AXIN1: variants seen among roughly 807,000 people sequenced by gnomAD.
AXIN1 encodes the protein axin-1.
AXIN1 carries 30 observed loss-of-function variants against 76.4 expected under a neutral mutation model. The ratio of observed to expected loss-of-function variants is 0.39; its 90% CI spans 0.29 to 0.53. The LOEUF (loss-of-function observed/expected upper bound fraction) is 0.53, where lower values mean the gene tolerates loss of function less well. Among genes scored for constraint, AXIN1 ranks in the 20% least tolerant of loss-of-function variants. The pLI is 0.66. For synonymous variants in AXIN1, 545 were observed against 501.4 expected (o/e 1.09, Z -1.16); for missense variants, 1,140 against 1,198.8 (o/e 0.95, Z 0.72).
intron 2 of AXIN1, among the ~76,000 whole-genome samples, chr16:318,264 T>C (rs1412301228): frequency 6.6e-6 from 1 of 152,218 alleles, no homozygotes; most frequent in Non-Finnish European, 1.5e-5. Context: ...AAAACCTGTT[T>C]GTCTTTAAAA....
intron 5 of AXIN1, among the ~76,000 whole-genome samples, chr16:301,044 G>A (rs1283010180): frequency 6.6e-6 from 1 of 152,168 alleles, no homozygotes; most frequent in African/African-American, 2.4e-5. Flanking sequence ...GCCGAGGCGG[G>A]TGGATCACAA....
intron 2 of AXIN1, among the ~76,000 whole-genome samples, chr16:345,758 A>G (rs1378566827): frequency 6.6e-6 from 1 of 151,702 alleles, no homozygotes; most frequent in Non-Finnish European, 1.5e-5. Flanking sequence ...ATTCTTATCG[A>G]TGCCCTGAAA....
chr16:333,398 G>T (rs1378494323), intron 2 of AXIN1, among the ~76,000 whole-genome samples: 1 of 150,636 alleles, frequency 6.6e-6, no homozygotes, highest in East Asian at 1.9e-4. Flanking sequence ...GCTGAGGCAG[G>T]AGGATCGCTC....
intron 2 of AXIN1, among the ~76,000 whole-genome samples, chr16:321,461 C>T (rs1389134226): frequency 1.3e-5 from 2 of 152,278 alleles, no homozygotes; most frequent in African/African-American, 4.8e-5. Flanking sequence ...CAGGTCAGTA[C>T]ACCACGTAAA....
intron 4 of AXIN1, among the ~76,000 whole-genome samples, chr16:309,567 G>A (rs11644916): frequency 0.31 from 47,500 of 152,016 alleles, 7,768 homozygotes; most frequent in South Asian, 0.43. Context: ...ACCTGGAGAC[G>A]ACCACTGTTC....
Position 287,722 on chromosome 16 carries a change from A to G in AXIN1, c.*400T>C. On this transcript the variant is annotated 3_prime_UTR_variant, in exon 11 of 11. Transcript: ENST00000262320. ...CGCGTACAATTGACAGAGGCCCTGCAGGCCTCTGCATCCGGGCCTGGGCCC... is the reference window on the plus strand; with the variant it reads ...CGCGTACAATTGACAGAGGCCCTGCGGGCCTCTGCATCCGGGCCTGGGCCC... The G allele has an allele frequency of 2.6e-6, 1 of 386,032 alleles. No homozygotes were observed. Among genetic ancestry groups the G allele is most frequent in the Non-Finnish European group, 4.9e-6 (1 of 204,882 alleles). 23.9% of individuals were successfully genotyped at this position (386,032 alleles called of 1,614,324 possible).
intron 2 of AXIN1, among the ~76,000 whole-genome samples, chr16:327,383 G>C (rs1294723359): frequency 6.6e-6 from 1 of 152,212 alleles, no homozygotes; most frequent in Non-Finnish European, 1.5e-5. Context: ...GCAAGAGAAT[G>C]AGTCACCAGG....
At chr16:320,902 G>A (rs961899406) in intron 2 of AXIN1, among the ~76,000 whole-genome samples, 13 of 151,624 alleles carry the variant, frequency 8.6e-5, no homozygotes, top group African/African-American at 1.9e-4. Context: ...ACCACGCCCG[G>A]CTAATTTTTG....
chr16:319,195 C>T (rs748882919), intron 2 of AXIN1, among the ~76,000 whole-genome samples: 3 of 152,032 alleles, frequency 2.0e-5, no homozygotes, highest in Non-Finnish European at 4.4e-5. Flanking sequence ...CTTTAGGGTC[C>T]GGTGTGGTGG....
intron 5 of AXIN1, among the ~76,000 whole-genome samples, chr16:299,746 C>T (rs927312547): frequency 1.3e-5 from 2 of 152,170 alleles, no homozygotes; most frequent in Non-Finnish European, 2.9e-5. Flanking sequence ...ACCTCCGTCT[C>T]CCGGGTTCAC....
At chr16:345,264 G>A (rs1189178711) in intron 2 of AXIN1, among the ~76,000 whole-genome samples, 1 of 152,146 alleles carries the variant, frequency 6.6e-6, no homozygotes, top group Non-Finnish European at 1.5e-5. Flanking sequence ...CTACACAACA[G>A]CACCAACAGA....
intron 3 of AXIN1, among the ~76,000 whole-genome samples, chr16:311,131 G>T (rs1320939305): frequency 6.6e-6 from 1 of 151,050 alleles, no homozygotes; most frequent in Admixed American, 6.6e-5. Flanking sequence ...CCGGGTTCAC[G>T]CCATTCTCCT....
At chr16:289,109 GAC>G (rs1184520469) in intron 10 of AXIN1, among the ~76,000 whole-genome samples, 17 of 151,110 alleles carry the variant, frequency 1.1e-4, no homozygotes, top group African/African-American at 3.9e-4. Context: ...CGGGGGTAGA[GAC>G]AGAGTCTCGC....
At position 352,508 on chromosome 16, in the gene AXIN1, G is replaced by T; in HGVS notation, c.-221C>A. The T allele has an allele frequency of 4.9e-6, 4 of 812,996 alleles. No homozygotes were observed. The highest frequency in any genetic ancestry group is 4.4e-6 in the Non-Finnish European group (3 of 675,638). The allele number at this position is 812,996 out of a possible 1,614,324, so 50.4% of individuals were successfully genotyped here. On this transcript the variant is annotated 5_prime_UTR_variant, in exon 1 of 11. Transcript: ENST00000262320. ...GGGCGGCCCCCATCTCGGCGGCTGC[G>T]GCTCGGCGGCCCGGAGGCGGACGCG...
At chr16:351,534 C>T (rs1192445248) in intron 1 of AXIN1, among the ~76,000 whole-genome samples, 1 of 151,766 alleles carries the variant, frequency 6.6e-6, no homozygotes, top group Admixed American at 6.6e-5. Flanking sequence ...TGCTTGAACC[C>T]GGGAGGCGGA....
In AXIN1 at chr16:287,929, G is replaced by C. The variant is rs992576832; in HGVS notation, c.*193C>G. On this transcript the variant is annotated 3_prime_UTR_variant, in exon 11 of 11. Coordinates refer to ENST00000262320, the MANE Select transcript of AXIN1 (RefSeq NM_003502.4). Reference sequence around the variant, plus strand: ...AGGAGTGGTCCAGGCTGCCTCCTTGGGGGCAGGACAGAAGCTTGTGGACCA... The same window carrying C: ...AGGAGTGGTCCAGGCTGCCTCCTTGCGGGCAGGACAGAAGCTTGTGGACCA... The C allele has an allele frequency of 5.6e-6, 5 of 888,284 alleles. No individual in the cohort carries two copies. Among genetic ancestry groups the C allele is most frequent in the East Asian group, 5.0e-5 (2 of 39,846 alleles). 55.0% of individuals were successfully genotyped at this position (888,284 alleles called of 1,614,324 possible).
At chr16:339,818 G>A (rs555064656) in intron 2 of AXIN1, among the ~76,000 whole-genome samples, 1 of 152,282 alleles carries the variant, frequency 6.6e-6, no homozygotes, top group South Asian at 2.1e-4. Context: ...TGCCCCCTCT[G>A]CACCACAGCA....
chr16:304,649 C>T (rs169954), intron 4 of AXIN1, among the ~76,000 whole-genome samples: 21,314 of 152,116 alleles, frequency 0.14, 1,759 homozygotes, highest in African/African-American at 0.23. Flanking sequence ...ATTCTCCTGC[C>T]TCGGTCTCCC....
intron 1 of AXIN1, among the ~76,000 whole-genome samples, chr16:347,830 A>T (rs1214964839): frequency 1.3e-5 from 2 of 152,230 alleles, no homozygotes; most frequent in Non-Finnish European, 2.9e-5. Flanking sequence ...GGACACCGTC[A>T]CTGGAGACAA....
Sources: gnomAD v4.1 joint callset for allele counts (sites outside exome capture counted in the v4.1 genomes callset) on GRCh38, gnomAD v4.1.1 for gene constraint, MANE v1.5 for transcripts, NCBI Gene and HGNC (gene_info 2026-07-23, HGNC 2026-07-21) for gene names.